DOCK9: variants seen among roughly 807,000 people sequenced by gnomAD.
The protein encoded by DOCK9 is dedicator of cytokinesis protein 9.
A neutral mutation model predicts 263.3 loss-of-function variants in DOCK9; 89 were observed. The observed-to-expected ratio is 0.34, with a 90% CI of 0.28 to 0.40. The LOEUF (loss-of-function observed/expected upper bound fraction) is 0.40. Ranked by LOEUF, DOCK9 falls within the 10% of genes least tolerant of loss-of-function variation. The pLI is 1.00. For missense variants in DOCK9, 2,140 were observed against 2,603.4 expected, an observed-to-expected ratio of 0.82 and a Z score of 3.87; for synonymous variants, 976 against 973.1, an observed-to-expected ratio of 1.00 and a Z score of -0.06.
In DOCK9 at chr13:98,831,741, C is replaced by T. The variant is rs989232142; in HGVS notation, c.4360G>A (p.Val1454Ile). ...DHGHNPLMKK[V>I]FDVYLCFLQK... Reference sequence around the variant, plus strand: ...AGAAAACACAGGTAGACATCAAAAACTTTTTTCATGAGAGGATTATGTCCA... The same window carrying T: ...AGAAAACACAGGTAGACATCAAAAATTTTTTTCATGAGAGGATTATGTCCA... The change falls in exon 40 of 53, where the codon GTT (valine) becomes ATT (isoleucine). Residue 1454 changes from valine (V) to isoleucine (I), a missense_variant. This residue lies in a region of DOCK9 where 619 missense variants were observed against 861.8 expected (regional missense o/e 0.72). Coordinates refer to ENST00000682017, the MANE Select transcript of DOCK9 (RefSeq NM_001366683.2). The T allele has an allele frequency of 6.2e-7, 1 of 1,613,944 alleles. No individual in the cohort carries two copies. The highest frequency in any genetic ancestry group is 8.5e-7 in the Non-Finnish European group (1 of 1,179,864).
chr13:98,968,700 T>G (rs1384674562), intron 1 of DOCK9, among the ~76,000 whole-genome samples: 1 of 152,198 alleles, frequency 6.6e-6, no homozygotes, highest in Non-Finnish European at 1.5e-5. Context: ...TGTAAGAAAT[T>G]TTAATATACA....
At chr13:98,868,510 C>T (rs2094105083) in intron 27 of DOCK9, 133 bp from the exon 28 acceptor site, 8 of 1,064,252 alleles carry the variant, frequency 7.5e-6, no homozygotes, top group Non-Finnish European at 1.1e-5. Flanking sequence ...ACACTTGTAA[C>T]CCCAGCACTT....
At chr13:99,061,370 A>G (rs2041182943) in intron 1 of DOCK9, among the ~76,000 whole-genome samples, 1 of 152,198 alleles carries the variant, frequency 6.6e-6, no homozygotes, top group African/African-American at 2.4e-5. Flanking sequence ...AGATTCTCAA[A>G]GAGTCACACA....
intron 1 of DOCK9, among the ~76,000 whole-genome samples, chr13:99,026,588 G>C (rs776302863): frequency 6.6e-6 from 1 of 152,168 alleles, no homozygotes; most frequent in Admixed American, 6.6e-5. Flanking sequence ...TATTATGTTA[G>C]GGAGGTCTGG....
rs986944380 is a variant in DOCK9, at chr13:98,950,052, C to T, written c.243+5383G>A. The T allele has an allele frequency of 1.5e-4, 71 of 460,232 alleles. 1 individual carries two copies. The highest frequency in any genetic ancestry group is 1.2e-3 in the South Asian group (62 of 52,532). The allele number at this position is 460,232 out of a possible 1,614,324, so 28.5% of individuals were successfully genotyped here. A position where few individuals can be genotyped will look rare whatever the true frequency, so the allele number is the denominator to read the frequency against. On this transcript the variant is annotated intron_variant, in intron 2 of 52. Coordinates refer to ENST00000682017, the MANE Select transcript of DOCK9 (RefSeq NM_001366683.2). ...AATCCCCAGTTCACATAAGGTTCTA[C>T]TATAAGCAACATTTTAGGCTCTTTG...
At chr13:99,064,189 A>G (rs947550685) in intron 1 of DOCK9, among the ~76,000 whole-genome samples, 3 of 152,250 alleles carry the variant, frequency 2.0e-5, no homozygotes, top group African/African-American at 4.8e-5. Context: ...AACTCTCTGA[A>G]AGTGAAAGGA....
intron 27 of DOCK9, chr13:98,871,838 G>GATC (rs989015752): frequency 9.1e-5 from 14 of 153,076 alleles, no homozygotes; most frequent in Admixed American, 7.2e-4. Context: ...GTCCTCACAA[G>GATC]ATCAGCCTCT....
At chr13:99,072,766 G>A (rs2041737083) in intron 1 of DOCK9, among the ~76,000 whole-genome samples, 2 of 152,136 alleles carry the variant, frequency 1.3e-5, no homozygotes, top group Non-Finnish European at 1.5e-5. Flanking sequence ...TTGGGACGCC[G>A]AGGCAGGAAG....
At chr13:98,826,617 G>A (rs2092550552) in intron 44 of DOCK9, among the ~76,000 whole-genome samples, 1 of 150,104 alleles carries the variant, frequency 6.7e-6, no homozygotes, top group African/African-American at 2.5e-5. Context: ...GAGGTTACAT[G>A]ACAACATGCC....
intron 49 of DOCK9, 130 bp downstream of exon 49, chr13:98,804,869 A>G (rs778616052): frequency 3.0e-5 from 25 of 846,296 alleles, no homozygotes; most frequent in Non-Finnish European, 4.5e-5. Flanking sequence ...TAAATGTGAA[A>G]CTGAAATGGG....
intron 52 of DOCK9, among the ~76,000 whole-genome samples, chr13:98,795,218 C>T (rs2089215246): frequency 6.6e-6 from 1 of 152,216 alleles, no homozygotes; most frequent in Non-Finnish European, 1.5e-5. Context: ...ACAACCTAGC[C>T]TTGACCTTGA....
chr13:98,997,966 T>C (rs1414428706), intron 1 of DOCK9, among the ~76,000 whole-genome samples: 3 of 152,146 alleles, frequency 2.0e-5, no homozygotes, highest in Non-Finnish European at 4.4e-5. Flanking sequence ...GCCCTGAGGA[T>C]TTTCTCAGAC....
chr13:98,901,654 T>C, intron 13 of DOCK9, 124 bp downstream of exon 13: 1 of 1,125,836 alleles, frequency 8.9e-7, no homozygotes, highest in South Asian at 2.1e-5. Flanking sequence ...ACAGGTAGCA[T>C]ATTCTACATC....
intron 29 of DOCK9, 85 bp downstream of exon 29, chr13:98,867,842 CT>C: frequency 1.5e-5 from 19 of 1,267,470 alleles, no homozygotes; most frequent in Non-Finnish European, 2.1e-5. Flanking sequence ...TAAGGCAGAG[CT>C]TTAAAAAAAA....
At chr13:99,086,280 G>T (rs577370337) in exon 1 of DOCK9, 1 of 1,496,678 alleles carries the variant, frequency 6.7e-7, no homozygotes, top group Non-Finnish European at 8.9e-7. Flanking sequence ...CGGCCGCCGT[G>T]CCCGGCTTAC....
intron 38 of DOCK9, among the ~76,000 whole-genome samples, chr13:98,844,371 ATT>A (rs67695377): frequency 2.7e-5 from 4 of 150,332 alleles, no homozygotes; most frequent in Admixed American, 2.6e-4. Flanking sequence ...TATTTTTTTT[ATT>A]TTTTTTTTGA....
chr13:99,048,755 G>A (rs886898077), intron 1 of DOCK9, among the ~76,000 whole-genome samples: 1 of 152,160 alleles, frequency 6.6e-6, no homozygotes, highest in Admixed American at 6.5e-5. Context: ...AGTTCTCTTT[G>A]TAACTGTAAG....
intron 2 of DOCK9, among the ~76,000 whole-genome samples, chr13:98,951,467 G>A (rs1260588872): frequency 6.6e-6 from 1 of 152,184 alleles, no homozygotes; most frequent in African/African-American, 2.4e-5. Flanking sequence ...ATGTGTAGGT[G>A]GGCAGGTGGG....
At chr13:98,941,116 A>G (rs1163083234) in intron 2 of DOCK9, among the ~76,000 whole-genome samples, 1 of 152,184 alleles carries the variant, frequency 6.6e-6, no homozygotes, top group African/African-American at 2.4e-5. Flanking sequence ...AGTTGCTCAG[A>G]CTGGTCTCAG....
Sources: allele counts gnomAD v4.1 joint callset (sites outside exome capture counted in the v4.1 genomes callset), GRCh38; gene constraint gnomAD v4.1.1; regional missense constraint gnomAD v4.1.1; transcripts MANE v1.5; gene names NCBI Gene and HGNC (gene_info 2026-07-23, HGNC 2026-07-21).